The following MEIOB variants were observed in gnomAD, a reference collection of about 807,000 sequenced individuals.
MEIOB encodes the protein meiosis specific with OB-fold, also known as meiosis-specific with OB domain-containing protein.
In MEIOB, 50 loss-of-function variants were observed where a neutral mutation model predicts 53.1. That is an observed-to-expected ratio of 0.94 (90% CI 0.75 to 1.19). MEIOB has a LOEUF of 1.19. MEIOB is among the 50% of genes most tolerant of loss of function. MEIOB has a pLI of 0.00. For missense variants in MEIOB, 551 were observed against 550.8 expected (o/e 1.00, Z 0.00); for synonymous variants, 192 against 182.5 (o/e 1.05, Z -0.42).
chr16:1,839,300 G>A lies in MEIOB; in HGVS notation c.1173C>T (p.Ser391=). The A allele has an allele frequency of 1.2e-6, 2 of 1,613,992 alleles. No homozygotes were observed. Among genetic ancestry groups the A allele is most frequent in the Non-Finnish European group, 8.5e-7 (1 of 1,179,974 alleles). ...DLTDHTGTLH[S]CSLTGSVAEE... is the part of the protein sequence containing the mutation. ...CAGCAACACTTCCTGTGAGACTACA[G>A]GAATGAAGGGTGCCTGTGTGATCAG... The change falls in exon 12 of 14, where the codon TCC becomes TCT. Residue 391 remains serine (S), a synonymous_variant. Transcript: ENST00000325962.
intron 6 of MEIOB, among the ~76,000 whole-genome samples, chr16:1,855,059 G>T (rs1899266231): frequency 6.6e-6 from 1 of 152,174 alleles, no homozygotes; most frequent in Non-Finnish European, 1.5e-5. Flanking sequence ...GGGTTGGGAA[G>T]GTGGAGAACA....
At chr16:1,850,086 T>A (rs1899126952) in intron 9 of MEIOB, among the ~76,000 whole-genome samples, 1 of 152,228 alleles carries the variant, frequency 6.6e-6, no homozygotes, top group South Asian at 2.1e-4. Context: ...TGACATTTTT[T>A]TCTTTGAATC....
chr16:1,835,515 T>C (rs548794991), intron 13 of MEIOB, among the ~76,000 whole-genome samples: 1 of 152,094 alleles, frequency 6.6e-6, no homozygotes, highest in Non-Finnish European at 1.5e-5. Context: ...GAAAAAAAAG[T>C]ACCAACATCA....
chr16:1,852,614 G>A (rs1386833300), intron 9 of MEIOB, among the ~76,000 whole-genome samples: 1 of 151,108 alleles, frequency 6.6e-6, no homozygotes, highest in Admixed American at 6.6e-5. Flanking sequence ...GGAGTACAAT[G>A]GCGCGATTTC....
intron 11 of MEIOB, 149 bp from the exon 12 acceptor site, chr16:1,839,587 T>TA (rs748816242): frequency 4.7e-6 from 3 of 639,112 alleles, no homozygotes; most frequent in Non-Finnish European, 7.6e-6. Context: ...AAGACAGTCG[T>TA]AAAAAACAGT....
intron 9 of MEIOB, among the ~76,000 whole-genome samples, chr16:1,846,984 G>A (rs1306730870): frequency 8.6e-5 from 13 of 151,782 alleles, no homozygotes; most frequent in African/African-American, 2.2e-4. Flanking sequence ...GTGAAACCCC[G>A]TCTCTACTAA....
intron 10 of MEIOB, among the ~76,000 whole-genome samples, chr16:1,844,637 T>C (rs1489710644): frequency 6.6e-6 from 1 of 151,892 alleles, no homozygotes; most frequent in Non-Finnish European, 1.5e-5. Flanking sequence ...AATTTTTGTG[T>C]TTTTAGTAGA....
At chr16:1,858,746 C>T (rs572036173) in intron 5 of MEIOB, among the ~76,000 whole-genome samples, 1 of 152,138 alleles carries the variant, frequency 6.6e-6, no homozygotes, top group Non-Finnish European at 1.5e-5. Flanking sequence ...TGCATTCCAG[C>T]CGTATCAGAC....
intron 13 of MEIOB, among the ~76,000 whole-genome samples, chr16:1,835,262 CAAA>C (rs372656598): frequency 1.9e-5 from 2 of 106,152 alleles, no homozygotes; most frequent in Non-Finnish European, 4.0e-5. Context: ...GACTGTGTCT[CAAA>C]AAAAAAAAAA....
rs552010798 is a variant in MEIOB at position 1,842,584 on chromosome 16, T to C, written c.881-611A>G. Among the ~76,000 whole-genome samples, 11 of 117,020 alleles carry C rather than the reference T, an allele frequency of 9.4e-5. No homozygotes were observed. In the South Asian group the frequency reaches 2.1e-3, roughly 22 times the overall value. 76.8% of individuals were successfully genotyped at this position (117,020 alleles called of 152,430 possible). A position where few individuals can be genotyped will look rare whatever the true frequency, so the allele number is the denominator to read the frequency against. On this transcript the variant is annotated intron_variant, in intron 10 of 13. Coordinates refer to ENST00000325962, the MANE Select transcript of MEIOB (RefSeq NM_001163560.3). ...GTTGTGGTGAGCCAAGATGGCGCCATTGCACTCCAGTCTGGGCAACAAGAG... is the reference window on the plus strand; with the variant it reads ...GTTGTGGTGAGCCAAGATGGCGCCACTGCACTCCAGTCTGGGCAACAAGAG...
intron 2 of MEIOB, among the ~76,000 whole-genome samples, chr16:1,867,462 ATTTTTTT>A (rs869208139): frequency 0.67 from 68,657 of 102,854 alleles, 22,741 homozygotes; most frequent in Middle Eastern, 0.83. Context: ...AAATGGTTTA[ATTTTTTT>A]TTTTTTTTTT....
At chr16:1,859,325 T>C (rs1171148457) in intron 5 of MEIOB, among the ~76,000 whole-genome samples, 1 of 152,032 alleles carries the variant, frequency 6.6e-6, no homozygotes, top group African/African-American at 2.4e-5. Flanking sequence ...GCGGATCACT[T>C]GAGGTCAGGA....
At chr16:1,844,201 C>A (rs191493010) in intron 10 of MEIOB, among the ~76,000 whole-genome samples, 1 of 150,290 alleles carries the variant, frequency 6.7e-6, no homozygotes, top group Admixed American at 6.7e-5. Flanking sequence ...TGGCTCACTG[C>A]AACCTCCGCC....
rs568101811 is a variant in MEIOB at position 1,859,129 on chromosome 16, CACAA to C, written c.333-1203_333-1200del. ...CCCAGTAATTGACCATTAGCGCTAC[CACAA>C]ACAGAGTAGATGGGGAAGGTTGAAG... On this transcript the variant is annotated intron_variant, in intron 5 of 13. Transcript: ENST00000325962. Among the ~76,000 whole-genome samples, 130 of 152,276 alleles carry C rather than the reference CACAA, an allele frequency of 8.5e-4. 1 individual carries two copies. Among genetic ancestry groups the C allele is most frequent in the African/African-American group, 2.9e-3 (119 of 41,554 alleles).
chr16:1,852,152 C>T (rs1899187201), intron 9 of MEIOB, among the ~76,000 whole-genome samples: 1 of 151,516 alleles, frequency 6.6e-6, no homozygotes, highest in Non-Finnish European at 1.5e-5. Context: ...TGTAGCAAAA[C>T]TGAATTTACC....
intron 1 of MEIOB, among the ~76,000 whole-genome samples, chr16:1,868,821 C>T (rs1342009448): frequency 6.6e-6 from 1 of 151,918 alleles, no homozygotes; most frequent in Admixed American, 6.6e-5. Context: ...CACCACTGCA[C>T]TCCAGCCTGG....
intron 9 of MEIOB, among the ~76,000 whole-genome samples, chr16:1,849,007 G>C (rs891833858): frequency 6.6e-6 from 1 of 152,128 alleles, no homozygotes. Context: ...TGCTCAGGTG[G>C]GGCATGGTGG....
intron 5 of MEIOB, among the ~76,000 whole-genome samples, chr16:1,858,385 G>A (rs967364511): frequency 3.3e-5 from 5 of 152,082 alleles, no homozygotes; most frequent in Non-Finnish European, 7.4e-5. Flanking sequence ...CAGTGAGCCC[G>A]AACTGAGGAG....
chr16:1,863,057 C>T (rs540850561), intron 3 of MEIOB, among the ~76,000 whole-genome samples: 5 of 152,012 alleles, frequency 3.3e-5, no homozygotes, highest in African/African-American at 1.2e-4. Flanking sequence ...AGAAGGACAC[C>T]ATCTCTACAG....
Sources: allele counts gnomAD v4.1 joint callset (sites outside exome capture counted in the v4.1 genomes callset), GRCh38; gene constraint gnomAD v4.1.1; transcripts MANE v1.5; gene names NCBI Gene and HGNC (gene_info 2026-07-23, HGNC 2026-07-21).